The following NSD3 variants were observed in gnomAD, a reference collection of about 807,000 sequenced individuals.
The protein encoded by NSD3 is histone-lysine N-methyltransferase NSD3.
In NSD3, 24 loss-of-function variants were observed where a neutral mutation model predicts 160.8. That is an observed-to-expected ratio of 0.15 (90% CI 0.11 to 0.21). The LOEUF (loss-of-function observed/expected upper bound fraction) is 0.21, where lower values mean the gene tolerates loss of function less well. Among genes scored for constraint, NSD3 ranks in the 10% least tolerant of loss-of-function variants. NSD3 has a pLI of 1.00. For synonymous variants in NSD3, 520 were observed against 600.0 expected, an observed-to-expected ratio of 0.87 and a Z score of 1.95; for missense variants, 1,157 against 1,735.9, an observed-to-expected ratio of 0.67 and a Z score of 5.93.
At chr8:38,302,140 C>T (rs957793249) in intron 14 of NSD3, among the ~76,000 whole-genome samples, 6 of 152,204 alleles carry the variant, frequency 3.9e-5, no homozygotes, top group African/African-American at 1.4e-4. Flanking sequence ...TTTTAAACAC[C>T]CAATAACCAA....
intron 19 of NSD3, among the ~76,000 whole-genome samples, chr8:38,281,873 C>T (rs1204553042): frequency 1.3e-5 from 2 of 152,144 alleles, no homozygotes; most frequent in African/African-American, 4.8e-5. Context: ...TAACTCTAGC[C>T]TTTGAAGCTA....
intron 5 of NSD3, among the ~76,000 whole-genome samples, chr8:38,330,941 A>G (rs1810042429): frequency 6.6e-6 from 1 of 152,188 alleles, no homozygotes; most frequent in Non-Finnish European, 1.5e-5. Flanking sequence ...AATAGTATCT[A>G]CCTCATACAG....
intron 19 of NSD3, among the ~76,000 whole-genome samples, chr8:38,285,797 T>A (rs917035625): frequency 3.3e-5 from 5 of 152,230 alleles, no homozygotes; most frequent in African/African-American, 1.2e-4. Flanking sequence ...ATCCAATACA[T>A]CAGCAAATCC....
intron 17 of NSD3, among the ~76,000 whole-genome samples, chr8:38,289,863 G>A (rs555176197): frequency 1.3e-5 from 2 of 152,190 alleles, no homozygotes; most frequent in African/African-American, 4.8e-5. Flanking sequence ...CAGTTGTAAG[G>A]CTTTTCATGG....
chr8:38,273,630 A>C lies in NSD3; in HGVS notation c.*2011T>G, dbSNP rs533821189. 1 of 152,380 alleles carries C rather than the reference A, an allele frequency of 6.6e-6. No individual in the cohort carries two copies. Among genetic ancestry groups the C allele is most frequent in the African/African-American group, 2.4e-5 (1 of 41,594 alleles). The allele number at this position is 152,380 out of a possible 1,614,324, so 9.4% of individuals were successfully genotyped here. A position where few individuals can be genotyped will look rare whatever the true frequency, so the allele number is the denominator to read the frequency against. On this transcript the variant is annotated 3_prime_UTR_variant, in exon 24 of 24. Transcript: ENST00000317025. ...AAACCAAACATCATATACAAAATAA[A>C]ATTTTAGTATGATAAAACCTAGCTT...
At chr8:38,280,043 C>T in intron 20 of NSD3, 1 of 174,186 alleles carries the variant, frequency 5.7e-6, no homozygotes, top group Non-Finnish European at 1.2e-5. Context: ...TGTCAGCCTT[C>T]CTTTTCTGCT....
chr8:38,310,856 T>C (rs1193187196), intron 12 of NSD3, among the ~76,000 whole-genome samples: 1 of 152,062 alleles, frequency 6.6e-6, no homozygotes, highest in East Asian at 1.9e-4. Context: ...TGAAATTGCT[T>C]GACCATTTGT....
intron 1 of NSD3, among the ~76,000 whole-genome samples, chr8:38,377,471 T>TC (rs1055764962): frequency 1.2e-4 from 18 of 151,948 alleles, no homozygotes; most frequent in Admixed American, 2.6e-4. Flanking sequence ...ATCTCAGCCT[T>TC]CCGAGTAGCT....
Position 38,338,569 on chromosome 8 carries a change from T to C in NSD3, c.714A>G (p.Pro238=), listed in dbSNP as rs750965656. 3 of 1,614,000 alleles carry C rather than the reference T, an allele frequency of 1.9e-6. No individual in the cohort carries two copies. The highest frequency in any genetic ancestry group is 2.5e-6 in the Non-Finnish European group (3 of 1,179,938). ...CCTCTTTTAGTACTGGTTCTTCCCT[T>C]GGTTTTTCTGATACAGTGTCAACCC... is the stretch of plus-strand genomic sequence containing the variant. The part of the protein sequence containing the change: ...NERVDTVSEK[P]REEPVLKEEA... Residue 238 remains proline, a synonymous_variant, in exon 3 of 24, where the codon CCA becomes CCG. Transcript: ENST00000317025.
Position 38,288,816 on chromosome 8 carries a change from C to T in NSD3, c.3232-60G>A, listed in dbSNP as rs1808928188. The T allele has an allele frequency of 1.3e-6, 2 of 1,582,702 alleles. No homozygotes were observed. Among genetic ancestry groups the T allele is most frequent in the Admixed American group, 3.4e-5 (2 of 58,492 alleles). On this transcript the variant is annotated intron_variant, in intron 18 of 23. Transcript: ENST00000317025. The surrounding 1 kb of genome is among the most constrained non-coding windows in gnomAD (Gnocchi z 4.5). ...CAGGTAAGTCATCTGGCAATGTGAA[C>T]AGGAACATCTAAAACATCCACGCTA...
intron 15 of NSD3, among the ~76,000 whole-genome samples, chr8:38,296,974 G>A (rs1809164805): frequency 6.6e-6 from 1 of 152,008 alleles, no homozygotes; most frequent in African/African-American, 2.4e-5. Context: ...AACAAAACTA[G>A]TATTATCCCA....
intron 2 of NSD3, among the ~76,000 whole-genome samples, chr8:38,346,185 CAT>C (rs1810519805): frequency 6.8e-6 from 1 of 146,952 alleles, no homozygotes; most frequent in Non-Finnish European, 1.5e-5. Context: ...TGTATATATA[CAT>C]ATATGTATAT....
chr8:38,339,552 C>A (rs1166813818), intron 2 of NSD3, among the ~76,000 whole-genome samples: 1 of 151,964 alleles, frequency 6.6e-6, no homozygotes, highest in Non-Finnish European at 1.5e-5. Flanking sequence ...TGGTGAAACC[C>A]CGTCTCTACT....
At chr8:38,356,207 A>T (rs1023744216) in intron 1 of NSD3, among the ~76,000 whole-genome samples, 13 of 152,238 alleles carry the variant, frequency 8.5e-5, no homozygotes, top group East Asian at 1.9e-4. Flanking sequence ...CTAATTTTTT[A>T]AAAAAGATAA....
chr8:38,378,132 CTT>C (rs527242600), intron 1 of NSD3, among the ~76,000 whole-genome samples: 1 of 146,388 alleles, frequency 6.8e-6, no homozygotes. Flanking sequence ...ATGTGAATAA[CTT>C]TTTTTTTTTT....
intron 19 of NSD3, among the ~76,000 whole-genome samples, chr8:38,286,205 G>A (rs1054098664): frequency 1.8e-4 from 28 of 152,138 alleles, no homozygotes; most frequent in Admixed American, 1.4e-3. Context: ...CCTGCTGGCT[G>A]TAAGGAAGCA....
intron 5 of NSD3, among the ~76,000 whole-genome samples, chr8:38,330,301 G>A (rs1810026574): frequency 6.6e-6 from 1 of 152,158 alleles, no homozygotes; most frequent in East Asian, 1.9e-4. Context: ...CAGAGGGCAA[G>A]TCAGGGGTGC....
chr8:38,324,763 C>T lies in NSD3; in HGVS notation c.1708+1967G>A, dbSNP rs192285995. Among the ~76,000 whole-genome samples the T allele has an allele frequency of 1.5e-4, 23 of 152,164 alleles. 1 individual carries two copies. In the East Asian group the frequency reaches 3.5e-3, roughly 23 times the overall value. On this transcript the variant is annotated intron_variant, in intron 7 of 23. Transcript: ENST00000317025. ...TATGATTAGATGCTTTAAGCTCCAC[C>T]CCCCCATCCTCCGAGAAGGGGAGTG...
intron 2 of NSD3, among the ~76,000 whole-genome samples, chr8:38,346,553 G>A (rs902424194): frequency 1.3e-5 from 2 of 151,550 alleles, no homozygotes; most frequent in Admixed American, 1.3e-4. Context: ...ACAGTAGGAG[G>A]AGCATTTCAC....
Sources: gnomAD v4.1 joint callset for allele counts (sites outside exome capture counted in the v4.1 genomes callset) on GRCh38, gnomAD v4.1.1 for gene constraint, Gnocchi (gnomAD v3.1) non-coding constraint, MANE v1.5 for transcripts, NCBI Gene and HGNC (gene_info 2026-07-23, HGNC 2026-07-21) for gene names.